The following SPMAP2L variants were observed in gnomAD, a reference collection of about 807,000 sequenced individuals.
The protein encoded by SPMAP2L is sperm microtubule associated protein 2-like.
chr4:56,583,339 A>G, the SPMAP2L span, among the ~76,000 whole-genome samples: 6 of 152,140 alleles, frequency 3.9e-5, no homozygotes, highest in Non-Finnish European at 8.8e-5. Flanking sequence ...ATCCAAATCC[A>G]TAGAGACTGA....
chr4:56,531,249 T>A, the SPMAP2L span: 1 of 1,440,552 alleles, frequency 6.9e-7, no homozygotes, highest in Non-Finnish European at 9.1e-7. Flanking sequence ...CCACGCCCCA[T>A]CTAGAACCGG....
At chr4:56,535,918 G>T in the SPMAP2L span, among the ~76,000 whole-genome samples, 1 of 152,166 alleles carries the variant, frequency 6.6e-6, no homozygotes, top group Admixed American at 6.5e-5. Flanking sequence ...TTCAAGGGGT[G>T]GGGGGAACTG....
At chr4:56,554,701 C>G in the SPMAP2L span, among the ~76,000 whole-genome samples, 2 of 150,738 alleles carry the variant, frequency 1.3e-5, no homozygotes, top group Non-Finnish European at 2.9e-5. Context: ...TTTTGTGAAT[C>G]ATGCTTTTGG....
At chr4:56,577,611 G>A in the SPMAP2L span, among the ~76,000 whole-genome samples, 1 of 151,850 alleles carries the variant, frequency 6.6e-6, no homozygotes, top group Non-Finnish European at 1.5e-5. Context: ...ATAAAATAAA[G>A]CACTGAAGGA....
At chr4:56,573,843 AG>A in the SPMAP2L span, among the ~76,000 whole-genome samples, 1 of 152,114 alleles carries the variant, frequency 6.6e-6, no homozygotes. Context: ...GTCGCGAGCA[AG>A]GGGGATACAG....
chr4:56,552,696 C>G, the SPMAP2L span: 1 of 768,778 alleles, frequency 1.3e-6, no homozygotes, highest in Admixed American at 2.1e-5. Flanking sequence ...CCATCCACCT[C>G]TACTTAACTA....
the SPMAP2L span, among the ~76,000 whole-genome samples, chr4:56,539,744 G>C: frequency 6.6e-6 from 1 of 152,132 alleles, no homozygotes; most frequent in Non-Finnish European, 1.5e-5. Flanking sequence ...TTCTAAAGCA[G>C]AGTCTGAAAA....
the SPMAP2L span, chr4:56,593,204 G>A: frequency 7.0e-7 from 1 of 1,431,850 alleles, no homozygotes. Flanking sequence ...CCAGACCATG[G>A]TGTGTGACAT....
chr4:56,609,568 G>A, the SPMAP2L span, among the ~76,000 whole-genome samples: 14 of 152,136 alleles, frequency 9.2e-5, no homozygotes, highest in African/African-American at 3.1e-4. Flanking sequence ...TGGGGGAACC[G>A]GAGGCAAAAT....
the SPMAP2L span, among the ~76,000 whole-genome samples, chr4:56,608,319 C>G: frequency 6.6e-6 from 1 of 152,072 alleles, no homozygotes; most frequent in African/African-American, 2.4e-5. Flanking sequence ...TCAGCCTTGT[C>G]AAGTTGTAAA....
At chr4:56,564,065 T>G in the SPMAP2L span, among the ~76,000 whole-genome samples, 1 of 152,198 alleles carries the variant, frequency 6.6e-6, no homozygotes, top group Admixed American at 6.5e-5. Flanking sequence ...GACCTGTTTC[T>G]GAGTCAGCAT....
the SPMAP2L span, among the ~76,000 whole-genome samples, chr4:56,582,601 A>G: frequency 6.6e-6 from 1 of 152,228 alleles, no homozygotes; most frequent in African/African-American, 2.4e-5. Context: ...TAAAACCCTT[A>G]TACATTTCTG....
chr4:56,547,718 T>G, the SPMAP2L span, among the ~76,000 whole-genome samples: 1 of 152,166 alleles, frequency 6.6e-6, no homozygotes, highest in Non-Finnish European at 1.5e-5. Flanking sequence ...ACCAAAAACA[T>G]TCTAGACAAT....
chr4:56,546,096 A>AT, the SPMAP2L span, among the ~76,000 whole-genome samples: 18 of 152,048 alleles, frequency 1.2e-4, 1 homozygote, highest in East Asian at 3.1e-3. Context: ...GCCCAGCCAC[A>AT]TTTTTTTTAA....
At chr4:56,621,850 A>C in the SPMAP2L span, among the ~76,000 whole-genome samples, 6 of 152,200 alleles carry the variant, frequency 3.9e-5, no homozygotes, top group Non-Finnish European at 7.3e-5. Flanking sequence ...GAGAGAATGA[A>C]TAGGTGGAGC....
chr4:56,558,576 G>A, the SPMAP2L span, among the ~76,000 whole-genome samples: 1 of 152,136 alleles, frequency 6.6e-6, no homozygotes, highest in African/African-American at 2.4e-5. Context: ...TCATGGTTGT[G>A]TCTAAGGTAA....
chr4:56,552,478 G>GGGATTTGTTTT, the SPMAP2L span: 1 of 811,466 alleles, frequency 1.2e-6, no homozygotes, highest in South Asian at 1.5e-5. Flanking sequence ...CCCCTCCTAT[G>GGGATTTGTTTT]AGCAGGAGTC....
the SPMAP2L span, among the ~76,000 whole-genome samples, chr4:56,547,284 T>C: frequency 1.1e-3 from 164 of 150,732 alleles, 1 homozygote; most frequent in Non-Finnish European, 1.8e-3. Flanking sequence ...TCTCTCTTGT[T>C]GCCCAGGCTG....
chr4:56,607,989 T>A, the SPMAP2L span, among the ~76,000 whole-genome samples: 2 of 119,136 alleles, frequency 1.7e-5, no homozygotes. Flanking sequence ...TGAGACCCTG[T>A]CTCAAGAAAA....
Sources: allele counts gnomAD v4.1 joint callset (sites outside exome capture counted in the v4.1 genomes callset), GRCh38; gene constraint gnomAD v4.1.1; transcripts MANE v1.5; gene names NCBI Gene and HGNC (gene_info 2026-07-23, HGNC 2026-07-21).